DGKH: variants seen among roughly 807,000 people sequenced by gnomAD.
DGKH encodes the protein DAG kinase eta.
DGKH carries 90 observed loss-of-function variants against 159.3 expected under a neutral mutation model. The ratio of observed to expected loss-of-function variants is 0.57; its 90% CI spans 0.48 to 0.67. The LOEUF (loss-of-function observed/expected upper bound fraction) is 0.67, where lower values mean the gene tolerates loss of function less well. Ranked by LOEUF, DGKH falls within the 30% of genes least tolerant of loss-of-function variation. The pLI is 0.00. For missense variants in DGKH, 1,181 were observed against 1,506.1 expected (o/e 0.78, Z 3.57); for synonymous variants, 536 against 553.8 (o/e 0.97, Z 0.45).
intron 1 of DGKH, among the ~76,000 whole-genome samples, chr13:42,068,449 A>G (rs1882737912): frequency 6.6e-6 from 1 of 152,236 alleles, no homozygotes; most frequent in Non-Finnish European, 1.5e-5. Flanking sequence ...ACTTTGAGGT[A>G]GATAACACAC....
chr13:42,226,948 A>T (rs1480265210), intron 29 of DGKH, among the ~76,000 whole-genome samples: 11 of 152,164 alleles, frequency 7.2e-5, no homozygotes, highest in Middle Eastern at 3.2e-3. Flanking sequence ...GAACTGGATC[A>T]TGTCCTTTGC....
At position 42,207,695 on chromosome 13, in the gene DGKH, G is replaced by GTATATATATATATATATATA. The variant is rs55668821; in HGVS notation, c.2602-1262_2602-1243dup. 2.9e-5 allele frequency among the ~76,000 whole-genome samples: 4 copies of GTATATATATATATATATATA among 140,276 alleles called. 1 individual carries two copies. The highest frequency in any genetic ancestry group is 6.1e-5 in the Non-Finnish European group (4 of 65,510). 92.0% of individuals were successfully genotyped at this position (140,276 alleles called of 152,430 possible). ...AGAGAGGGCACAATTATTAAAGTGT[G>GTATATATATATATATATATA]TATATATATATATATATATATCAGT... is the stretch of plus-strand genomic sequence containing the variant. On this transcript the variant is annotated intron_variant, in intron 21 of 29. Transcript: ENST00000337343.
rs567508771 is a variant in DGKH, at chr13:42,233,974, T to C, written c.*4786T>C. ...AAAGAAAAGGAATGAACCAAGATGA[T>C]TGCAAGTTAATCTCATTTAAGCCCT... is the stretch of plus-strand genomic sequence containing the variant. On this transcript the variant is annotated 3_prime_UTR_variant, in exon 30 of 30. Coordinates refer to ENST00000337343, the MANE Select transcript of DGKH (RefSeq NM_178009.5). The C allele has an allele frequency of 2.6e-5, 4 of 152,356 alleles. No homozygotes were observed. The East Asian group carries it at 7.7e-4, about 29-fold the overall frequency. 9.4% of individuals were successfully genotyped at this position (152,356 alleles called of 1,614,324 possible).
intron 26 of DGKH, among the ~76,000 whole-genome samples, chr13:42,216,053 C>T (rs1421838716): frequency 6.6e-6 from 1 of 152,182 alleles, no homozygotes. Context: ...CTGGTATGGT[C>T]CTCCAGGTTT....
intron 1 of DGKH, among the ~76,000 whole-genome samples, chr13:42,102,706 T>G (rs985943332): frequency 6.6e-6 from 1 of 152,212 alleles, no homozygotes; most frequent in Non-Finnish European, 1.5e-5. Flanking sequence ...AGTTTGGAAT[T>G]GGGGCCTGGA....
In DGKH at chr13:42,052,585, A is replaced by G. The variant is rs190439209; in HGVS notation, c.192+3620A>G. Among the ~76,000 whole-genome samples the G allele has an allele frequency of 2.3e-3, 346 of 152,358 alleles. 3 individuals carry two copies. Among genetic ancestry groups the G allele is most frequent in the Admixed American group, 0.012 (189 of 15,308 alleles). On this transcript the variant is annotated intron_variant, in intron 1 of 29. Coordinates refer to ENST00000337343, the MANE Select transcript of DGKH (RefSeq NM_178009.5). Reference sequence around the variant, plus strand: ...CTTGAGTTTTTGGATTTGCATTCAGACATACTGTTGTAGAGAATTTCACAG... The same window carrying G: ...CTTGAGTTTTTGGATTTGCATTCAGGCATACTGTTGTAGAGAATTTCACAG...
chr13:42,188,401 T>C (rs748638408), intron 14 of DGKH, among the ~76,000 whole-genome samples: 1 of 152,214 alleles, frequency 6.6e-6, no homozygotes, highest in Non-Finnish European at 1.5e-5. Context: ...TTTCCCTCCT[T>C]ATCCTTGTGC....
At chr13:42,063,086 G>A (rs957451609) in intron 1 of DGKH, among the ~76,000 whole-genome samples, 5 of 152,038 alleles carry the variant, frequency 3.3e-5, no homozygotes, top group Non-Finnish European at 5.9e-5. Context: ...GTGTATTTTA[G>A]GATTATTGTG....
chr13:42,246,919 C>T (rs183811305), downstream of DGKH, among the ~76,000 whole-genome samples: 1 of 152,214 alleles, frequency 6.6e-6, no homozygotes, highest in East Asian at 1.9e-4. Context: ...TATATACACA[C>T]ACATGCAGTC....
intron 1 of DGKH, among the ~76,000 whole-genome samples, chr13:42,102,890 A>G (rs1217908913): frequency 6.6e-6 from 1 of 152,122 alleles, no homozygotes; most frequent in Non-Finnish European, 1.5e-5. Context: ...TGCTGCTTGC[A>G]CTCTGTAGGG....
intron 13 of DGKH, among the ~76,000 whole-genome samples, chr13:42,186,749 C>T (rs1956936826): frequency 6.6e-6 from 1 of 152,148 alleles, no homozygotes. Context: ...CAAGATGATG[C>T]TTTATCATTT....
At chr13:42,164,197 A>C (rs963004927) in intron 7 of DGKH, among the ~76,000 whole-genome samples, 2 of 152,180 alleles carry the variant, frequency 1.3e-5, no homozygotes. Context: ...AATTTTTCCT[A>C]CTGTCATCCA....
intron 1 of DGKH, among the ~76,000 whole-genome samples, chr13:42,086,912 A>G (rs927333509): frequency 3.9e-5 from 6 of 152,136 alleles, no homozygotes; most frequent in African/African-American, 1.4e-4. Context: ...TGTGGGGGAA[A>G]ATATGAGAGA....
chr13:42,126,306 G>C (rs564939436), intron 1 of DGKH, among the ~76,000 whole-genome samples: 1 of 152,288 alleles, frequency 6.6e-6, no homozygotes, highest in South Asian at 2.1e-4. Flanking sequence ...TGGTGAGCAA[G>C]CACAAGTTTC....
chr13:42,229,021 T>A, intron 29 of DGKH, 78 bp from the exon 30 acceptor site: 1 of 1,299,506 alleles, frequency 7.7e-7, no homozygotes, highest in East Asian at 2.5e-5. Context: ...TTCCTTTTCT[T>A]TCATTTTTAA....
chr13:42,179,867 A>G (rs1468669549), intron 13 of DGKH, among the ~76,000 whole-genome samples: 1 of 152,106 alleles, frequency 6.6e-6, no homozygotes, highest in African/African-American at 2.4e-5. Context: ...TAAGAATGAT[A>G]GGGAGAAAAA....
upstream of DGKH, among the ~76,000 whole-genome samples, chr13:42,047,889 T>C (rs1384440740): frequency 6.6e-6 from 1 of 152,144 alleles, no homozygotes; most frequent in Non-Finnish European, 1.5e-5. Context: ...GTGTAGTCTC[T>C]TGTTTCTGCG....
chr13:42,209,277 G>A, intron 22 of DGKH, 54 bp from the exon 23 acceptor site: 1 of 1,574,502 alleles, frequency 6.4e-7, no homozygotes, highest in East Asian at 2.2e-5. Flanking sequence ...CATAAAGATT[G>A]AGTGTCATTT....
chr13:42,216,907 A>G (rs1957812817), intron 26 of DGKH, among the ~76,000 whole-genome samples: 3 of 152,162 alleles, frequency 2.0e-5, no homozygotes, highest in Middle Eastern at 3.2e-3. Flanking sequence ...AACTAAAAGC[A>G]TAATTTATTC....
Sources: gnomAD v4.1 joint callset for allele counts (sites outside exome capture counted in the v4.1 genomes callset) on GRCh38, gnomAD v4.1.1 for gene constraint, MANE v1.5 for transcripts, NCBI Gene and HGNC (gene_info 2026-07-23, HGNC 2026-07-21) for gene names.